The following BPTF variants were observed in gnomAD, a reference collection of about 807,000 sequenced individuals.
BPTF encodes nucleosome-remodeling factor subunit BPTF.
BPTF carries 18 observed loss-of-function variants against 292.5 expected under a neutral mutation model. That is an observed-to-expected ratio of 0.06 (90% CI 0.04 to 0.09). BPTF has a LOEUF of 0.09. Ranked by LOEUF, BPTF falls within the 10% of genes least tolerant of loss-of-function variation. The probability of loss-of-function intolerance (pLI) is 1.00; values close to 1 mark genes in which losing one functional copy is unlikely to be tolerated. For synonymous variants in BPTF, 1,225 were observed against 1,251.9 expected (o/e 0.98, Z 0.45); for missense variants, 2,726 against 3,498.7 (o/e 0.78, Z 5.57).
intron 7 of BPTF, 28 bp downstream of exon 7, chr17:67,894,193 A>C: frequency 6.2e-7 from 1 of 1,611,114 alleles, no homozygotes; most frequent in Non-Finnish European, 8.5e-7. Context: ...CTTGTAAATG[A>C]TGAGTATTGG....
chr17:67,835,882 G>A (rs1410875026), intron 1 of BPTF, among the ~76,000 whole-genome samples: 3 of 151,926 alleles, frequency 2.0e-5, no homozygotes, highest in East Asian at 3.9e-4. Flanking sequence ...AGCCAGGATG[G>A]TCTTGATTTC....
At chr17:67,892,056 CA>C (rs760605849) in intron 5 of BPTF, 22 bp downstream of exon 5, 1 of 1,493,390 alleles carries the variant, frequency 6.7e-7, no homozygotes, top group South Asian at 1.3e-5. Context: ...CTGTTTAAAA[CA>C]AAAATCTGTG....
chr17:67,839,052 T>C (rs1480335946), intron 1 of BPTF, among the ~76,000 whole-genome samples: 1 of 152,170 alleles, frequency 6.6e-6, no homozygotes, highest in African/African-American at 2.4e-5. Flanking sequence ...TATGTACACA[T>C]CTGATTTTCT....
chr17:67,967,175 C>G (rs534110803), intron 26 of BPTF, among the ~76,000 whole-genome samples: 4 of 149,692 alleles, frequency 2.7e-5, no homozygotes, highest in African/African-American at 9.8e-5. Context: ...CGATGTCTTG[C>G]TTTGTCGCCA....
chr17:67,830,770 G>A (rs1416656528), intron 1 of BPTF, among the ~76,000 whole-genome samples: 1 of 152,192 alleles, frequency 6.6e-6, no homozygotes, highest in African/African-American at 2.4e-5. Flanking sequence ...GCTGTGTTGG[G>A]CAGTACCTAG....
chr17:67,843,178 A>T (rs547884562), intron 1 of BPTF, among the ~76,000 whole-genome samples: 1 of 130,832 alleles, frequency 7.6e-6, no homozygotes, highest in Admixed American at 7.4e-5. Flanking sequence ...AGATACATAT[A>T]GATATCTACA....
chr17:67,849,157 G>T (rs544861560), intron 1 of BPTF, among the ~76,000 whole-genome samples: 1 of 152,106 alleles, frequency 6.6e-6, no homozygotes, highest in Non-Finnish European at 1.5e-5. Context: ...CAAACTTGCC[G>T]CACATCAGAA....
At chr17:67,890,603 A>G (rs1169841702) in intron 4 of BPTF, among the ~76,000 whole-genome samples, 1 of 152,184 alleles carries the variant, frequency 6.6e-6, no homozygotes, top group Admixed American at 6.5e-5. Flanking sequence ...GCTCGCTCCA[A>G]AGGGGCAACA....
chr17:67,826,198 T>TGAGGACGACGAGGAGGATGAGATGGAA lies in BPTF; in HGVS notation c.486_512dup (p.Glu162_Asp170dup). ...GCGACGCCGAGGAGACCCAGGATTC[T>TGAGGACGACGAGGAGGATGAGATGGAA]GAGGACGACGAGGAGGATGAGATGG... is the stretch of plus-strand genomic sequence containing the variant. On this transcript the variant is annotated inframe_insertion, in exon 1 of 28. Coordinates refer to ENST00000306378, the MANE Select transcript of BPTF (RefSeq NM_182641.4). 1 of 1,612,132 alleles carries TGAGGACGACGAGGAGGATGAGATGGAA rather than the reference T, an allele frequency of 6.2e-7. No homozygotes were observed. Among genetic ancestry groups the TGAGGACGACGAGGAGGATGAGATGGAA allele is most frequent in the Non-Finnish European group, 8.5e-7 (1 of 1,178,388 alleles).
At chr17:67,975,673 C>A in intron 26 of BPTF, 99 bp from the exon 27 acceptor site, 1 of 1,075,676 alleles carries the variant, frequency 9.3e-7, no homozygotes, top group Non-Finnish European at 1.3e-6. Flanking sequence ...TCCAGGACTG[C>A]TTGCACAGTA....
chr17:67,905,810 A>G (rs1027376010), intron 9 of BPTF, among the ~76,000 whole-genome samples: 6 of 152,148 alleles, frequency 3.9e-5, no homozygotes, highest in Non-Finnish European at 7.4e-5. Context: ...AGAAAGTGAT[A>G]GAGGCTTCCA....
intron 1 of BPTF, among the ~76,000 whole-genome samples, chr17:67,848,894 G>A (rs1598220832): frequency 6.6e-6 from 1 of 152,300 alleles, no homozygotes; most frequent in South Asian, 2.1e-4. Context: ...CCTAGACTGT[G>A]CTGGAAATTC....
At chr17:67,894,684 G>C (rs761588831) in intron 7 of BPTF, among the ~76,000 whole-genome samples, 1 of 152,126 alleles carries the variant, frequency 6.6e-6, no homozygotes, top group South Asian at 2.1e-4. Flanking sequence ...AAGAGATCTG[G>C]TATATGAAAA....
chr17:67,945,904 C>T lies in BPTF; in HGVS notation c.7196C>T (p.Ser2399Phe), dbSNP rs782489126. ...GQPQSQPQVQ[S>F]STQTLSSGQT... ...CCACAGTCACAACCCCAGGTACAGT[C>T]TTCAACTCAAACTCTTTCATCAGGA... The change falls in exon 21 of 28, where the codon TCT (serine) becomes TTT (phenylalanine). Residue 2399 changes from serine to phenylalanine, a missense_variant. Physicochemically the swap from Ser to Phe is radical, Grantham distance 155. This residue lies in a region of BPTF where 570 missense variants were observed against 633.5 expected (regional missense o/e 0.90). Coordinates refer to ENST00000306378, the MANE Select transcript of BPTF (RefSeq NM_182641.4). The T allele has an allele frequency of 6.2e-7, 1 of 1,614,186 alleles. No homozygotes were observed. Among genetic ancestry groups the T allele is most frequent in the Admixed American group, 1.7e-5 (1 of 60,008 alleles).
intron 3 of BPTF, among the ~76,000 whole-genome samples, chr17:67,872,106 G>C (rs775207545): frequency 6.6e-6 from 1 of 152,190 alleles, no homozygotes; most frequent in African/African-American, 2.4e-5. Context: ...GATTACAGGC[G>C]TGAGCCACTG....
chr17:67,932,831 A>C (rs1410943905), intron 18 of BPTF, among the ~76,000 whole-genome samples: 1 of 152,220 alleles, frequency 6.6e-6, no homozygotes. Context: ...ACACAGGCAC[A>C]TGAAATAAAG....
rs376295354 is a variant in BPTF at position 67,913,122 on chromosome 17, T to C, written c.5238T>C (p.Asn1746=). Residue 1746 remains asparagine, a synonymous_variant, in exon 11 of 28, where the codon AAT becomes AAC. Coordinates refer to ENST00000306378, the MANE Select transcript of BPTF (RefSeq NM_182641.4). The part of the protein sequence containing the change: ...GIREVPYFNY[N]AKPALDIWPY... The stretch of plus-strand genomic sequence containing the variant: ...GAGAGGTCCCTTATTTTAATTACAA[T>C]GCAAAACCTGCTTTGGATATATGGC... The C allele has an allele frequency of 3.7e-6, 6 of 1,614,002 alleles. No individual in the cohort carries two copies. The highest frequency in any genetic ancestry group is 2.2e-5 in the East Asian group (1 of 44,892).
In BPTF at chr17:67,909,680, G is replaced by A. The variant is rs750576908; in HGVS notation, c.2911G>A (p.Glu971Lys). 7.5e-6 allele frequency: 12 copies of A among 1,603,532 alleles called. No individual in the cohort carries two copies. Among genetic ancestry groups the A allele is most frequent in the Non-Finnish European group, 1.0e-5 (12 of 1,176,656 alleles). The change falls in exon 10 of 28, where the codon GAG (glutamate) becomes AAG (lysine). Residue 971 changes from glutamate (E) to lysine (K), a missense_variant. This residue lies in a region of BPTF where 713 missense variants were observed against 714.9 expected (regional missense o/e 1.00). Coordinates refer to ENST00000306378, the MANE Select transcript of BPTF (RefSeq NM_182641.4). ...IKIEPDSEKD[E>K]VKGSDAAKGA... ...AATAGAGCCTGATTCTGAAAAAGATGAGGTAAAAGGTTCAGATGCTGCAAA... is the reference window on the plus strand; with the variant it reads ...AATAGAGCCTGATTCTGAAAAAGATAAGGTAAAAGGTTCAGATGCTGCAAA...
intron 7 of BPTF, among the ~76,000 whole-genome samples, chr17:67,899,824 C>T (rs868486962): frequency 1.3e-4 from 20 of 151,986 alleles, no homozygotes; most frequent in African/African-American, 4.1e-4. Context: ...CCACCGCGCC[C>T]GGCCTATGCT....
Sources: gnomAD v4.1 joint callset for allele counts (sites outside exome capture counted in the v4.1 genomes callset) on GRCh38, gnomAD v4.1.1 for gene constraint, gnomAD v4.1.1 regional missense constraint, MANE v1.5 for transcripts, NCBI Gene and HGNC (gene_info 2026-07-23, HGNC 2026-07-21) for gene names.